The following RNF180 variants were observed in gnomAD, a reference collection of about 807,000 sequenced individuals.
RNF180 encodes the protein E3 ubiquitin-protein ligase RNF180.
A neutral mutation model predicts 59.2 loss-of-function variants in RNF180; 38 were observed. The ratio of observed to expected loss-of-function variants is 0.64; its 90% CI spans 0.50 to 0.84. The LOEUF is 0.84. Among genes scored for constraint, RNF180 ranks in the 40% least tolerant of loss-of-function variants. RNF180 has a pLI of 0.00. For missense variants in RNF180, 705 were observed against 700.9 expected, an observed-to-expected ratio of 1.01 and a Z score of -0.07; for synonymous variants, 262 against 240.3, an observed-to-expected ratio of 1.09 and a Z score of -0.84.
intron 5 of RNF180, among the ~76,000 whole-genome samples, chr5:64,280,278 A>G (rs1477552197): frequency 2.6e-5 from 4 of 151,946 alleles, no homozygotes; most frequent in African/African-American, 7.3e-5. Flanking sequence ...TGATTAGTCT[A>G]TTGATTGTTT....
intron 2 of RNF180, among the ~76,000 whole-genome samples, chr5:64,205,820 C>T (rs369780500): frequency 6.7e-6 from 1 of 149,434 alleles, no homozygotes; most frequent in African/African-American, 2.5e-5. Context: ...AAAATAGAAC[C>T]GAAAATAGGA....
At chr5:64,194,128 A>G (rs1751324380) in intron 1 of RNF180, among the ~76,000 whole-genome samples, 1 of 152,106 alleles carries the variant, frequency 6.6e-6, no homozygotes, top group Non-Finnish European at 1.5e-5. Context: ...AACATTAGGT[A>G]TATCTCCTAA....
At chr5:64,297,686 AG>A (rs1742957017) in intron 5 of RNF180, among the ~76,000 whole-genome samples, 2 of 152,084 alleles carry the variant, frequency 1.3e-5, no homozygotes, top group Non-Finnish European at 2.9e-5. Flanking sequence ...CAATAAAAAA[AG>A]TTTCCAGTTT....
At chr5:64,202,979 T>C (rs1751830433) in intron 2 of RNF180, among the ~76,000 whole-genome samples, 1 of 152,226 alleles carries the variant, frequency 6.6e-6, no homozygotes, top group Non-Finnish European at 1.5e-5. Context: ...CTGCTGCCTT[T>C]GCTCTTCCTT....
chr5:64,360,230 T>G (rs967726609), intron 7 of RNF180, among the ~76,000 whole-genome samples: 5 of 151,950 alleles, frequency 3.3e-5, no homozygotes, highest in African/African-American at 1.2e-4. Context: ...TTGGGCAGTA[T>G]GGCCATTTTC....
rs150727579 is a variant in RNF180, at chr5:64,222,326, G to A, written c.1227+4930G>A. On this transcript the variant is annotated intron_variant, in intron 5 of 7. Coordinates refer to ENST00000389100, the MANE Select transcript of RNF180 (RefSeq NM_001113561.2). ...TTATACTTTAAGTTTTAGGGTACATGTGCACAATGTGCACGTTAGTTACAT... is the reference window on the plus strand; with the variant it reads ...TTATACTTTAAGTTTTAGGGTACATATGCACAATGTGCACGTTAGTTACAT... Among the ~76,000 whole-genome samples, 1,207 of 152,056 alleles carry A rather than the reference G, an allele frequency of 7.9e-3. 18 individuals carry two copies. Among genetic ancestry groups the A allele is most frequent in the African/African-American group, 0.027 (1,115 of 41,450 alleles).
At chr5:64,364,549 G>A (rs1580316602) in intron 7 of RNF180, among the ~76,000 whole-genome samples, 2 of 151,562 alleles carry the variant, frequency 1.3e-5, no homozygotes, top group East Asian at 2.0e-4. Flanking sequence ...TTGTTCTTGT[G>A]TCTCTGCAAG....
chr5:64,188,377 T>C (rs1035268911), intron 1 of RNF180, among the ~76,000 whole-genome samples: 2 of 152,108 alleles, frequency 1.3e-5, no homozygotes, highest in African/African-American at 4.8e-5. Flanking sequence ...AACTTAATGG[T>C]TACAAATACA....
chr5:64,199,790 T>C (rs951349844), intron 1 of RNF180, among the ~76,000 whole-genome samples: 15 of 152,224 alleles, frequency 9.9e-5, no homozygotes, highest in African/African-American at 3.4e-4. Context: ...ACCCTGTACC[T>C]ATTTTGGAAT....
intron 1 of RNF180, among the ~76,000 whole-genome samples, chr5:64,175,663 AT>A (rs1750194360): frequency 6.6e-6 from 1 of 152,116 alleles, no homozygotes; most frequent in Non-Finnish European, 1.5e-5. Context: ...TGTCATTGGT[AT>A]TTTTATAGGG....
At chr5:64,349,923 C>A (rs1037625727) in intron 7 of RNF180, among the ~76,000 whole-genome samples, 1 of 152,124 alleles carries the variant, frequency 6.6e-6, no homozygotes, top group Non-Finnish European at 1.5e-5. Context: ...TTTATAGCAG[C>A]ATGATTTATA....
Position 64,366,957 on chromosome 5 carries a change from T to C in RNF180, c.1580-2658T>C, listed in dbSNP as rs562216001. Reference sequence around the variant, plus strand: ...TGGCCAAACTATCAAGAGTCAAAGATAGAATTTTTAGAACAGGAAAAGTAT... The same window carrying C: ...TGGCCAAACTATCAAGAGTCAAAGACAGAATTTTTAGAACAGGAAAAGTAT... On this transcript the variant is annotated intron_variant, in intron 7 of 7. Coordinates refer to ENST00000389100, the MANE Select transcript of RNF180 (RefSeq NM_001113561.2). Among the ~76,000 whole-genome samples the C allele has an allele frequency of 4.0e-5, 6 of 151,574 alleles. No homozygotes were observed. In the South Asian group the frequency reaches 6.2e-4, roughly 16 times the overall value.
rs180932649 is a variant in RNF180 at position 64,254,493 on chromosome 5, T to A, written c.1227+37097T>A. Among the ~76,000 whole-genome samples the A allele has an allele frequency of 1.5e-3, 221 of 152,288 alleles. 1 individual carries two copies. The highest frequency in any genetic ancestry group is 5.1e-3 in the African/African-American group (210 of 41,564). ...ATCTCTGGCATTTTGCAACATGCTT[T>A]TTATAGAATATTATGTTTAAAAATT... On this transcript the variant is annotated intron_variant, in intron 5 of 7. Coordinates refer to ENST00000389100, the MANE Select transcript of RNF180 (RefSeq NM_001113561.2).
chr5:64,320,645 G>A (rs55881563), intron 5 of RNF180, among the ~76,000 whole-genome samples: 331 of 152,258 alleles, frequency 2.2e-3, no homozygotes, highest in Non-Finnish European at 3.8e-3. Context: ...TAAAAATAAA[G>A]CAAATATTGT....
chr5:64,175,585 C>T (rs969882026), intron 1 of RNF180, among the ~76,000 whole-genome samples: 1 of 152,082 alleles, frequency 6.6e-6, no homozygotes, highest in African/African-American at 2.4e-5. Context: ...CTCAAGATTA[C>T]TTTGGCTATT....
rs1369806283 is a variant in RNF180, at chr5:64,213,780, C to G, written c.454C>G (p.Leu152Val). 1 of 1,614,066 alleles carries G rather than the reference C, an allele frequency of 6.2e-7. No homozygotes were observed. Among genetic ancestry groups the G allele is most frequent in the African/African-American group, 1.3e-5 (1 of 74,934 alleles). ...TCAGTCAGGTTGTGACAAGGAAGCT[C>G]TGCTGACAGGTGGTGGCTCTGAAAA... The part of the protein sequence containing the change: ...RVQSGCDKEA[L>V]LTGGGSENRN... The change falls in exon 4 of 8, where the codon CTG becomes GTG. Residue 152 changes from leucine (L) to valine (V), a missense_variant. Physicochemically the swap from Leu to Val is conservative, Grantham distance 32. Coordinates refer to ENST00000389100, the MANE Select transcript of RNF180 (RefSeq NM_001113561.2).
At chr5:64,280,928 CT>C (rs748951072) in intron 5 of RNF180, among the ~76,000 whole-genome samples, 29 of 152,260 alleles carry the variant, frequency 1.9e-4, no homozygotes, top group African/African-American at 6.5e-4. Context: ...TTTGTATCCC[CT>C]GTCCATGAGC....
At chr5:64,258,555 G>A (rs1744127140) in intron 5 of RNF180, among the ~76,000 whole-genome samples, 1 of 152,128 alleles carries the variant, frequency 6.6e-6, no homozygotes, top group African/African-American at 2.4e-5. Context: ...TAGATGAATG[G>A]GGGTGCTATT....
intron 7 of RNF180, among the ~76,000 whole-genome samples, chr5:64,368,696 GAC>G (rs1305626564): frequency 2.0e-5 from 3 of 151,886 alleles, no homozygotes; most frequent in Non-Finnish European, 2.9e-5. Context: ...GCAGCCAAAA[GAC>G]ACATGAAAAA....
Sources: allele counts gnomAD v4.1 joint callset (sites outside exome capture counted in the v4.1 genomes callset), GRCh38; gene constraint gnomAD v4.1.1; transcripts MANE v1.5; gene names NCBI Gene and HGNC (gene_info 2026-07-23, HGNC 2026-07-21).